SERINC5: variants seen among roughly 807,000 people sequenced by gnomAD.
SERINC5 encodes the protein serine incorporator 5.
SERINC5 carries 41 observed loss-of-function variants against 63.1 expected under a neutral mutation model. That is an observed-to-expected ratio of 0.65 (90% CI 0.51 to 0.84). The LOEUF (loss-of-function observed/expected upper bound fraction) is 0.84. Ranked by LOEUF, SERINC5 falls within the 40% of genes least tolerant of loss-of-function variation. The pLI is 0.00. For synonymous variants in SERINC5, 222 were observed against 215.2 expected (o/e 1.03, Z -0.28); for missense variants, 523 against 573.0 (o/e 0.91, Z 0.89).
rs1483900544 is a variant in SERINC5 at position 80,185,501 on chromosome 5, T to C, written c.196-7437A>G. The stretch of plus-strand genomic sequence containing the variant: ...TTAATTCTAAAGCACTATTATGTTA[T>C]ATTTCATGCGCGTCCGTGTGAAGGG... On this transcript the variant is annotated intron_variant, in intron 2 of 11. Coordinates refer to ENST00000507668, the MANE Select transcript of SERINC5 (RefSeq NM_001174072.3). Among the ~76,000 whole-genome samples, 2 of 149,322 alleles carry C rather than the reference T, an allele frequency of 1.3e-5. 1 individual carries two copies. Among genetic ancestry groups the C allele is most frequent in the East Asian group, 4.0e-4 (2 of 4,962 alleles).
chr5:80,188,761 G>A (rs369599854), intron 2 of SERINC5, among the ~76,000 whole-genome samples: 69 of 152,000 alleles, frequency 4.5e-4, no homozygotes, highest in African/African-American at 1.5e-3. Flanking sequence ...AGTGGTGCAC[G>A]CCTGTAGTCC....
At chr5:80,178,194 A>T in intron 2 of SERINC5, 130 bp from the exon 3 acceptor site, 1 of 543,500 alleles carries the variant, frequency 1.8e-6, no homozygotes, top group Non-Finnish European at 3.2e-6. Flanking sequence ...CAGACTGAGG[A>T]TCTATCTTCT....
At chr5:80,223,269 C>A (rs1454129775) in intron 1 of SERINC5, among the ~76,000 whole-genome samples, 1 of 152,162 alleles carries the variant, frequency 6.6e-6, no homozygotes, top group Non-Finnish European at 1.5e-5. Flanking sequence ...TCAAAATTCT[C>A]ATATGCTCAA....
intron 11 of SERINC5, among the ~76,000 whole-genome samples, chr5:80,121,066 T>C (rs528270420): frequency 7.7e-4 from 117 of 152,178 alleles, no homozygotes; most frequent in African/African-American, 2.8e-3. Flanking sequence ...TTTATATTTT[T>C]AGTAGAGATG....
At position 80,141,777 on chromosome 5, in the gene SERINC5, G is replaced by C. The variant is rs1046173461; in HGVS notation, c.*1886C>G. On this transcript the variant is annotated 3_prime_UTR_variant, in exon 12 of 12. Coordinates refer to ENST00000507668, the MANE Select transcript of SERINC5 (RefSeq NM_001174072.3). ...ACTCCAGATGAATCTTTTAACTGCTGAGTACAGAGCTCCTGCCCTAAAAAA... is the reference window on the plus strand; with the variant it reads ...ACTCCAGATGAATCTTTTAACTGCTCAGTACAGAGCTCCTGCCCTAAAAAA... The C allele has an allele frequency of 1.0e-6, 1 of 985,248 alleles. No individual in the cohort carries two copies. The highest frequency in any genetic ancestry group is 1.2e-6 in the Non-Finnish European group (1 of 829,942). The allele number at this position is 985,248 out of a possible 1,614,324, so 61.0% of individuals were successfully genotyped here.
intron 1 of SERINC5, among the ~76,000 whole-genome samples, chr5:80,231,012 C>CA (rs5869027): frequency 0.53 from 80,820 of 151,672 alleles, 22,810 homozygotes; most frequent in African/African-American, 0.73. Flanking sequence ...GGGTTTTGCC[C>CA]GGCTGGTCTC....
chr5:80,252,256 C>A (rs747194322), intron 1 of SERINC5, among the ~76,000 whole-genome samples: 8 of 151,972 alleles, frequency 5.3e-5, no homozygotes, highest in Non-Finnish European at 1.2e-4. Context: ...GACAGGGTTT[C>A]ACCATGTTGC....
intron 2 of SERINC5, among the ~76,000 whole-genome samples, chr5:80,189,888 TTTG>T (rs1561410096): frequency 5.3e-5 from 8 of 152,124 alleles, no homozygotes; most frequent in Middle Eastern, 6.8e-3. Flanking sequence ...TTTTTTACTT[TTTG>T]TAGAGACAGG....
At chr5:80,241,967 G>C (rs1363468788) in intron 1 of SERINC5, among the ~76,000 whole-genome samples, 5 of 149,214 alleles carry the variant, frequency 3.4e-5, no homozygotes, top group Non-Finnish European at 7.4e-5. Context: ...CCACAAAAGA[G>C]AATTAAAAAA....
At chr5:80,131,523 G>T (rs2164993) in intron 11 of SERINC5, among the ~76,000 whole-genome samples, 1 of 150,994 alleles carries the variant, frequency 6.6e-6, no homozygotes, top group African/African-American at 2.4e-5. Flanking sequence ...GAGAGCCTGC[G>T]GGGGAGAGGG....
chr5:80,242,253 A>G (rs996458288), intron 1 of SERINC5, among the ~76,000 whole-genome samples: 1 of 152,188 alleles, frequency 6.6e-6, no homozygotes, highest in East Asian at 1.9e-4. Context: ...AAGTATAAAG[A>G]CAGATTAGTT....
intron 5 of SERINC5, among the ~76,000 whole-genome samples, chr5:80,170,712 CAT>C (rs1747595242): frequency 6.6e-6 from 1 of 152,190 alleles, no homozygotes; most frequent in Non-Finnish European, 1.5e-5. Context: ...CCCGAAGCGC[CAT>C]AGTCTCTACT....
In SERINC5 at chr5:80,142,295, G is replaced by A. The variant is rs1580053056; in HGVS notation, c.*1368C>T. On this transcript the variant is annotated 3_prime_UTR_variant, in exon 12 of 12. Coordinates refer to ENST00000507668, the MANE Select transcript of SERINC5 (RefSeq NM_001174072.3). ...CGTATTTTGGAAATTCCTGTGCAGC[G>A]TGATCTCGGCTCACTGCAACCTCCG... is the stretch of plus-strand genomic sequence containing the variant. 10 of 985,178 alleles carry A rather than the reference G, an allele frequency of 1.0e-5. No individual in the cohort carries two copies. The South Asian group carries it at 1.4e-4, about 14-fold the overall frequency. 61.0% of individuals were successfully genotyped at this position (985,178 alleles called of 1,614,324 possible).
At chr5:80,198,624 C>T (rs190951013) in intron 2 of SERINC5, 6 of 985,294 alleles carry the variant, frequency 6.1e-6, no homozygotes, top group Non-Finnish European at 7.2e-6. Context: ...CCACGGCCAA[C>T]AAAGAGGGGG....
chr5:80,216,366 TA>T (rs1364615704), intron 1 of SERINC5, among the ~76,000 whole-genome samples: 1 of 152,122 alleles, frequency 6.6e-6, no homozygotes, highest in Non-Finnish European at 1.5e-5. Flanking sequence ...GCCACTGAGT[TA>T]GGGGTGAAAA....
chr5:80,132,099 A>G (rs1185480907), intron 11 of SERINC5, among the ~76,000 whole-genome samples: 1 of 152,182 alleles, frequency 6.6e-6, no homozygotes, highest in Non-Finnish European at 1.5e-5. Context: ...CAGATAACAG[A>G]GATGAGCCAT....
At chr5:80,253,665 C>G (rs544870213) in intron 1 of SERINC5, among the ~76,000 whole-genome samples, 22 of 152,288 alleles carry the variant, frequency 1.4e-4, no homozygotes, top group African/African-American at 5.3e-4. Context: ...TGAGCAGTCT[C>G]AACTCCACAG....
chr5:80,225,446 C>T (rs1751126862), intron 1 of SERINC5, among the ~76,000 whole-genome samples: 3 of 152,192 alleles, frequency 2.0e-5, no homozygotes, highest in Admixed American at 2.0e-4. Flanking sequence ...CACAACCTTC[C>T]TCTCATTCTA....
intron 1 of SERINC5, among the ~76,000 whole-genome samples, chr5:80,236,300 G>A (rs1751684501): frequency 1.3e-5 from 2 of 152,136 alleles, no homozygotes; most frequent in Admixed American, 1.3e-4. Flanking sequence ...GACAGATGAA[G>A]TAACTGATCA....
Sources: allele counts gnomAD v4.1 joint callset (sites outside exome capture counted in the v4.1 genomes callset), GRCh38; gene constraint gnomAD v4.1.1; transcripts MANE v1.5; gene names NCBI Gene and HGNC (gene_info 2026-07-23, HGNC 2026-07-21).